MORC1: variants seen among roughly 807,000 people sequenced by gnomAD.
MORC1 encodes MORC family CW-type zinc finger 1.
In MORC1, 59 loss-of-function variants were observed where a neutral mutation model predicts 134.9. The ratio of observed to expected loss-of-function variants is 0.44; its 90% CI spans 0.35 to 0.54. MORC1 has a LOEUF of 0.54. MORC1 is among the 20% of genes least tolerant of loss of function. The pLI, the probability that MORC1 is intolerant of heterozygous loss-of-function variation, is 0.00. For missense variants in MORC1, 947 were observed against 1,134.5 expected, an observed-to-expected ratio of 0.83 and a Z score of 2.37; for synonymous variants, 395 against 391.7, an observed-to-expected ratio of 1.01 and a Z score of -0.10.
chr3:109,023,156 A>G (rs912520536), intron 17 of MORC1, among the ~76,000 whole-genome samples: 6 of 152,216 alleles, frequency 3.9e-5, no homozygotes, highest in Non-Finnish European at 5.9e-5. Context: ...TTGGATCTTG[A>G]AGGACTGGAG....
rs889914325 is a variant in MORC1 at position 109,035,934 on chromosome 3, AG to A, written c.1331-467del. ...TTTATCTCTGGTTCCTTTTCTCTCC[AG>A]TCTTTATTGTTTATGCACTATCCTA... On this transcript the variant is annotated intron_variant, in intron 14 of 27. Coordinates refer to ENST00000232603, the MANE Select transcript of MORC1 (RefSeq NM_014429.4). Among the ~76,000 whole-genome samples the A allele has an allele frequency of 9.3e-4, 141 of 152,180 alleles. 1 individual carries two copies. The highest frequency in any genetic ancestry group is 3.1e-3 in the African/African-American group (129 of 41,536).
At chr3:109,056,705 A>G (rs375203881) in intron 13 of MORC1, among the ~76,000 whole-genome samples, 165 of 152,358 alleles carry the variant, frequency 1.1e-3, no homozygotes, top group African/African-American at 3.8e-3. Flanking sequence ...TAAATAAACA[A>G]TGAATGAATT....
intron 17 of MORC1, among the ~76,000 whole-genome samples, chr3:109,015,211 G>T (rs961294588): frequency 6.6e-6 from 1 of 152,076 alleles, no homozygotes; most frequent in African/African-American, 2.4e-5. Flanking sequence ...AGGTAGTACA[G>T]AAGCAAGAAC....
At chr3:108,965,971 T>C (rs577013852) in intron 26 of MORC1, among the ~76,000 whole-genome samples, 10 of 152,310 alleles carry the variant, frequency 6.6e-5, no homozygotes, top group African/African-American at 2.4e-4. Context: ...AGCCTTTTGG[T>C]TTATTCTCTT....
intron 14 of MORC1, among the ~76,000 whole-genome samples, chr3:109,046,259 G>T: frequency 6.6e-6 from 1 of 152,188 alleles, no homozygotes; most frequent in East Asian, 1.9e-4. Context: ...AGACTAGAAG[G>T]GAGAGGGCTA....
intron 6 of MORC1, among the ~76,000 whole-genome samples, chr3:109,097,989 T>C (rs1430782748): frequency 6.6e-6 from 1 of 151,938 alleles, no homozygotes; most frequent in African/African-American, 2.4e-5. Context: ...TAATAGATAA[T>C]GCCTAGATAA....
chr3:109,030,558 G>C (rs1159886924), intron 16 of MORC1, among the ~76,000 whole-genome samples: 1 of 152,100 alleles, frequency 6.6e-6, no homozygotes, highest in Admixed American at 6.5e-5. Context: ...AATCTTTTCA[G>C]TGAAAATAAA....
At chr3:109,004,776 A>C (rs769978579) in intron 20 of MORC1, 41 bp downstream of exon 20, 3 of 1,560,700 alleles carry the variant, frequency 1.9e-6, no homozygotes, top group African/African-American at 2.7e-5. Context: ...TCCTATATGA[A>C]TATTTCTCCC....
intron 10 of MORC1, 21 bp from the exon 11 acceptor site, chr3:109,062,079 G>A (rs1950097048): frequency 6.2e-7 from 1 of 1,610,708 alleles, no homozygotes; most frequent in African/African-American, 1.3e-5. Flanking sequence ...AAGCCAAATA[G>A]TTATAACACA....
At chr3:109,031,179 T>C (rs1485156582) in intron 16 of MORC1, among the ~76,000 whole-genome samples, 1 of 152,058 alleles carries the variant, frequency 6.6e-6, no homozygotes, top group East Asian at 1.9e-4. Flanking sequence ...CCAAGACTGG[T>C]CTAAGAAATC....
At chr3:109,052,640 C>T (rs954786114) in intron 14 of MORC1, among the ~76,000 whole-genome samples, 16 of 152,008 alleles carry the variant, frequency 1.1e-4, no homozygotes, top group African/African-American at 3.1e-4. Flanking sequence ...AGGATGGATA[C>T]AAATGGAAAG....
intron 17 of MORC1, among the ~76,000 whole-genome samples, chr3:109,016,830 A>G (rs1236786347): frequency 1.3e-5 from 2 of 152,230 alleles, no homozygotes; most frequent in African/African-American, 4.8e-5. Flanking sequence ...GCACCACTGC[A>G]TTCCAGACTG....
chr3:108,991,804 T>A lies in MORC1; in HGVS notation c.2188-4855A>T, dbSNP rs147246630. 9.2e-5 allele frequency among the ~76,000 whole-genome samples: 14 copies of A among 152,316 alleles called. No homozygotes were observed. The East Asian group carries it at 2.7e-3, about 29-fold the overall frequency. On this transcript the variant is annotated intron_variant, in intron 21 of 27. Coordinates refer to ENST00000232603, the MANE Select transcript of MORC1 (RefSeq NM_014429.4). ...ACTTGGTCAGATTCCCCATCAATGC[T>A]CTTCATTCTATTCACAGTACTGTTT...
intron 13 of MORC1, among the ~76,000 whole-genome samples, chr3:109,056,918 T>C (rs546853055): frequency 6.6e-6 from 1 of 152,268 alleles, no homozygotes; most frequent in Admixed American, 6.5e-5. Context: ...CTAGAGAGTT[T>C]TAATAACATA....
At chr3:108,991,214 C>G (rs1422787008) in intron 21 of MORC1, among the ~76,000 whole-genome samples, 1 of 152,164 alleles carries the variant, frequency 6.6e-6, no homozygotes, top group South Asian at 2.1e-4. Context: ...ATGACATATT[C>G]TGGATGATAT....
At position 108,975,894 on chromosome 3, in the gene MORC1, C is replaced by T. The variant is rs185198759; in HGVS notation, c.2477+3621G>A. On this transcript the variant is annotated intron_variant, in intron 24 of 27. Transcript: ENST00000232603. ...CTTATGTACCACTAACTTAACACCA[C>T]TCAGTTGCACTCCAATATTTAAAAG... is the stretch of plus-strand genomic sequence containing the variant. Among the ~76,000 whole-genome samples, 561 of 152,180 alleles carry T rather than the reference C, an allele frequency of 3.7e-3. 3 individuals carry two copies. Among genetic ancestry groups the T allele is most frequent in the Non-Finnish European group, 4.2e-3 (288 of 67,998 alleles).
chr3:109,027,054 A>C (rs941776764), intron 17 of MORC1, among the ~76,000 whole-genome samples: 4 of 152,174 alleles, frequency 2.6e-5, no homozygotes, highest in Non-Finnish European at 5.9e-5. Flanking sequence ...TTTAATAAGC[A>C]TTTTATTTCC....
At chr3:109,014,559 GA>G (rs1227862115) in intron 17 of MORC1, among the ~76,000 whole-genome samples, 2 of 152,116 alleles carry the variant, frequency 1.3e-5, no homozygotes, top group African/African-American at 4.8e-5. Context: ...ATCACTCTGG[GA>G]TGAGTCTTGT....
chr3:108,964,254 T>C (rs1291348514), intron 26 of MORC1, among the ~76,000 whole-genome samples: 2 of 152,186 alleles, frequency 1.3e-5, no homozygotes, highest in African/African-American at 4.8e-5. Context: ...AAAGAGGTAA[T>C]GGAGAGGCCA....
Sources: allele counts gnomAD v4.1 joint callset (sites outside exome capture counted in the v4.1 genomes callset), GRCh38; gene constraint gnomAD v4.1.1; transcripts MANE v1.5; gene names NCBI Gene and HGNC (gene_info 2026-07-23, HGNC 2026-07-21).